Variants in TSPAN5 observed in about 807,000 individuals in gnomAD.
TSPAN5 encodes tetraspanin-5.
In TSPAN5, 10 loss-of-function variants were observed where a neutral mutation model predicts 37.1. The ratio of observed to expected loss-of-function variants is 0.27; its 90% CI spans 0.17 to 0.46. The LOEUF is 0.46. Ranked by LOEUF, TSPAN5 falls within the 20% of genes least tolerant of loss-of-function variation. The pLI, the probability that TSPAN5 is intolerant of heterozygous loss-of-function variation, is 1.00. For missense variants in TSPAN5, 195 were observed against 326.6 expected (o/e 0.60, Z 3.11); for synonymous variants, 110 against 118.9 (o/e 0.93, Z 0.48).
chr4:98,632,539 T>G (rs1006581780), intron 1 of TSPAN5, among the ~76,000 whole-genome samples: 6 of 152,204 alleles, frequency 3.9e-5, no homozygotes, highest in Non-Finnish European at 8.8e-5. Context: ...ATACCAGCAC[T>G]GTCACGGAAA....
In TSPAN5 at chr4:98,628,176, T is replaced by C. The variant is rs115897649; in HGVS notation, c.81+29970A>G. ...GTACAAACGTAAATACAGCAAGTGA[T>C]TGTTCACTGTACAAAAGGACTCATC... On this transcript the variant is annotated intron_variant, in intron 1 of 7. Coordinates refer to ENST00000305798, the MANE Select transcript of TSPAN5 (RefSeq NM_005723.4). 7.7e-3 allele frequency among the ~76,000 whole-genome samples: 1,169 copies of C among 152,342 alleles called. 16 individuals are homozygous for C. Among genetic ancestry groups the C allele is most frequent in the African/African-American group, 0.027 (1,112 of 41,572 alleles).
intron 2 of TSPAN5, among the ~76,000 whole-genome samples, chr4:98,505,428 C>T (rs1441840441): frequency 6.6e-6 from 1 of 152,146 alleles, no homozygotes; most frequent in African/African-American, 2.4e-5. Context: ...AAGTCCCTGC[C>T]TCAGGGCCAC....
intron 1 of TSPAN5, among the ~76,000 whole-genome samples, chr4:98,639,484 ATTTTTT>A (rs147127835): frequency 7.3e-6 from 1 of 136,638 alleles, no homozygotes; most frequent in African/African-American, 2.7e-5. Flanking sequence ...TGACTGGCTA[ATTTTTT>A]TTTTTTTTTT....
chr4:98,607,712 AT>A (rs199535963), intron 1 of TSPAN5, among the ~76,000 whole-genome samples: 243 of 145,246 alleles, frequency 1.7e-3, no homozygotes, highest in Admixed American at 2.3e-3. Context: ...CTTAAATGAA[AT>A]TTTTTTTTTT....
chr4:98,639,158 T>C (rs1006066211), intron 1 of TSPAN5, among the ~76,000 whole-genome samples: 7 of 152,154 alleles, frequency 4.6e-5, no homozygotes, highest in African/African-American at 1.4e-4. Context: ...TTCCCAAACT[T>C]AGATGACTAT....
At chr4:98,483,018 T>A (rs556098707) in intron 3 of TSPAN5, 1 of 151,940 alleles carries the variant, frequency 6.6e-6, no homozygotes, top group Non-Finnish European at 1.5e-5. Context: ...CTCAGAAGAG[T>A]CTCAGCTTAG....
At chr4:98,577,911 A>G (rs775709517) in intron 1 of TSPAN5, among the ~76,000 whole-genome samples, 1 of 152,242 alleles carries the variant, frequency 6.6e-6, no homozygotes, top group Non-Finnish European at 1.5e-5. Flanking sequence ...GGTAAACACA[A>G]TAAGTATTAG....
chr4:98,610,970 G>A (rs185454656), intron 1 of TSPAN5, among the ~76,000 whole-genome samples: 33 of 152,262 alleles, frequency 2.2e-4, no homozygotes, highest in African/African-American at 7.2e-4. Context: ...TGACTATACC[G>A]TGATGTGATA....
intron 1 of TSPAN5, among the ~76,000 whole-genome samples, chr4:98,530,730 T>TAC (rs60087929): frequency 0.01 from 1,516 of 150,078 alleles, 19 homozygotes; most frequent in African/African-American, 8.1e-3. Flanking sequence ...ACACATATTA[T>TAC]ACACACACAC....
At chr4:98,489,052 G>A (rs1487660114) in intron 2 of TSPAN5, among the ~76,000 whole-genome samples, 1 of 152,082 alleles carries the variant, frequency 6.6e-6, no homozygotes, top group Non-Finnish European at 1.5e-5. Context: ...AAGACTTTGG[G>A]GATACATGAA....
intron 1 of TSPAN5, among the ~76,000 whole-genome samples, chr4:98,638,512 G>A (rs1369835918): frequency 1.3e-5 from 2 of 152,078 alleles, no homozygotes; most frequent in Admixed American, 6.5e-5. Context: ...GTAATACACC[G>A]GCATTTGGTT....
intron 2 of TSPAN5, among the ~76,000 whole-genome samples, chr4:98,492,338 A>G (rs1313890922): frequency 6.6e-6 from 1 of 152,176 alleles, no homozygotes; most frequent in African/African-American, 2.4e-5. Flanking sequence ...AGAAACAAAG[A>G]ACAAGAGTAG....
chr4:98,517,029 C>T (rs1753750591), intron 1 of TSPAN5, among the ~76,000 whole-genome samples: 1 of 152,184 alleles, frequency 6.6e-6, no homozygotes, highest in East Asian at 1.9e-4. Context: ...TCTATTGTAG[C>T]AACACCACAA....
At chr4:98,527,950 T>G (rs553741348) in intron 1 of TSPAN5, among the ~76,000 whole-genome samples, 1 of 152,238 alleles carries the variant, frequency 6.6e-6, no homozygotes, top group Non-Finnish European at 1.5e-5. Context: ...ATCTGGGTAT[T>G]GAGCAATGAA....
intron 1 of TSPAN5, among the ~76,000 whole-genome samples, chr4:98,520,195 A>G (rs143558682): frequency 3.5e-4 from 53 of 152,282 alleles, no homozygotes; most frequent in African/African-American, 1.2e-3. Context: ...ACCAAGAAAG[A>G]GGTGCCACCA....
intron 1 of TSPAN5, among the ~76,000 whole-genome samples, chr4:98,598,663 T>C (rs1337650717): frequency 3.3e-5 from 5 of 152,132 alleles, no homozygotes; most frequent in African/African-American, 9.7e-5. Context: ...GGTTTCACCA[T>C]GTTGCCCAGG....
At chr4:98,610,156 A>T (rs1157587096) in intron 1 of TSPAN5, among the ~76,000 whole-genome samples, 1 of 152,198 alleles carries the variant, frequency 6.6e-6, no homozygotes, top group African/African-American at 2.4e-5. Flanking sequence ...AAGGCTAGGA[A>T]ACACAATACC....
intron 1 of TSPAN5, among the ~76,000 whole-genome samples, chr4:98,587,443 G>A (rs148380437): frequency 7.0e-4 from 106 of 152,178 alleles, no homozygotes; most frequent in Middle Eastern, 6.8e-3. Context: ...CTTCTTCCTC[G>A]GCTGTCTGGC....
chr4:98,521,786 C>G (rs892408255), intron 1 of TSPAN5, among the ~76,000 whole-genome samples: 1 of 152,170 alleles, frequency 6.6e-6, no homozygotes, highest in Non-Finnish European at 1.5e-5. Context: ...CACAAATGCT[C>G]TCTCTATGCC....
Sources: gnomAD v4.1 joint callset for allele counts (sites outside exome capture counted in the v4.1 genomes callset) on GRCh38, gnomAD v4.1.1 for gene constraint, MANE v1.5 for transcripts, NCBI Gene and HGNC (gene_info 2026-07-23, HGNC 2026-07-21) for gene names.